The following C8orf74 variants were observed in gnomAD, a reference collection of about 807,000 sequenced individuals.
C8orf74 encodes the protein uncharacterized protein C8orf74.
In C8orf74, 29 loss-of-function variants were observed where a neutral mutation model predicts 22.2. The observed-to-expected ratio is 1.31, with a 90% CI of 0.97 to 1.78. The LOEUF (loss-of-function observed/expected upper bound fraction) is 1.78, where lower values mean the gene tolerates loss of function less well. Ranked by LOEUF, C8orf74 falls within the 40% of genes most tolerant of loss-of-function variation. C8orf74 has a pLI of 0.00. For missense variants in C8orf74, 515 were observed against 369.9 expected, an observed-to-expected ratio of 1.39 and a Z score of -3.22; for synonymous variants, 255 against 163.1, an observed-to-expected ratio of 1.56 and a Z score of -4.30.
At chr8:10,677,330 C>T (rs915899643) in intron 2 of C8orf74, among the ~76,000 whole-genome samples, 14 of 152,156 alleles carry the variant, frequency 9.2e-5, no homozygotes, top group South Asian at 2.1e-4. Flanking sequence ...TCATATAATG[C>T]GACTAAGTAC....
intron 1 of C8orf74, among the ~76,000 whole-genome samples, chr8:10,673,181 T>A (rs1373274052): frequency 6.6e-6 from 1 of 151,926 alleles, no homozygotes; most frequent in Non-Finnish European, 1.5e-5. Flanking sequence ...TCCCTTGGGG[T>A]CCTCCCAGCC....
intron 2 of C8orf74, among the ~76,000 whole-genome samples, chr8:10,681,164 C>T (rs573025910): frequency 3.7e-4 from 57 of 152,130 alleles, no homozygotes; most frequent in African/African-American, 1.2e-3. Flanking sequence ...CAGGCCTTGG[C>T]GCAGGGAGGG....
Position 10,697,879 on chromosome 8 carries a change from C to G in C8orf74, c.522C>G (p.Ala174=), listed in dbSNP as rs763992133. 1.9e-6 allele frequency: 3 copies of G among 1,612,742 alleles called. No homozygotes were observed. Among genetic ancestry groups the G allele is most frequent in the African/African-American group, 2.7e-5 (2 of 75,066 alleles). Residue 174 remains alanine (A), a synonymous_variant, in exon 3 of 4, where the codon GCC becomes GCG. Transcript: ENST00000304519. ...HEQQVATLTE[A]EAQKRADVLL... The stretch of plus-strand genomic sequence containing the variant: ...AGCAGGTGGCCACACTGACGGAGGC[C>G]GAGGCACAGAAGCGCGCCGACGTGC...
chr8:10,690,249 C>G (rs1048180435), intron 2 of C8orf74, among the ~76,000 whole-genome samples: 1 of 152,120 alleles, frequency 6.6e-6, no homozygotes, highest in African/African-American at 2.4e-5. Flanking sequence ...CTGTGCCAGA[C>G]TCACCGTGCT....
intron 2 of C8orf74, among the ~76,000 whole-genome samples, chr8:10,690,457 T>C (rs1332089598): frequency 6.6e-6 from 1 of 152,178 alleles, no homozygotes. Flanking sequence ...GTGGAGATGC[T>C]GGGCCCTTGC....
intron 2 of C8orf74, among the ~76,000 whole-genome samples, chr8:10,682,995 T>A (rs1456594641): frequency 2.0e-5 from 3 of 152,244 alleles, no homozygotes; most frequent in Non-Finnish European, 2.9e-5. Context: ...GTGAGTGGTG[T>A]TGGGATTTGA....
At chr8:10,697,390 G>A (rs537193380) in intron 2 of C8orf74, among the ~76,000 whole-genome samples, 2 of 151,950 alleles carry the variant, frequency 1.3e-5, no homozygotes, top group Admixed American at 1.3e-4. Context: ...AGCTGCAGCT[G>A]CAGTGAGCTA....
Position 10,674,774 on chromosome 8 carries a change from C to T in C8orf74, c.177C>T (p.Gly59=), listed in dbSNP as rs374850367. The part of the protein sequence containing the change: ...YESIIFAVGK[G]FPWVEVAQVV... ...GCATCATCTTTGCAGTGGGCAAAGG[C>T]TTCCCATGGGTGGAGGTGGCCCAGG... The change falls in exon 2 of 4, where the codon GGC becomes GGT. Residue 59 remains glycine, a synonymous_variant. Coordinates refer to ENST00000304519, the MANE Select transcript of C8orf74 (RefSeq NM_001040032.2). The T allele has an allele frequency of 8.1e-6, 13 of 1,607,088 alleles. No homozygotes were observed. The highest frequency in any genetic ancestry group is 1.0e-5 in the Non-Finnish European group (12 of 1,176,966).
chr8:10,680,165 C>T (rs1023865736), intron 2 of C8orf74, among the ~76,000 whole-genome samples: 3 of 152,332 alleles, frequency 2.0e-5, no homozygotes, highest in Non-Finnish European at 4.4e-5. Flanking sequence ...AGTGACGCTC[C>T]TTCCACACTG....
Position 10,698,012 on chromosome 8 carries a change from C to T in C8orf74, c.648+7C>T. ...CCAGGTCCTGGAGAGACAGGTGAGG[C>T]TCTGCCCCCCTGCCGTGGGTGGGCA... On this transcript the variant is annotated splice_region_variant and intron_variant, in intron 3 of 3. Coordinates refer to ENST00000304519, the MANE Select transcript of C8orf74 (RefSeq NM_001040032.2). 2 of 1,459,740 alleles carry T rather than the reference C, an allele frequency of 1.4e-6. No homozygotes were observed. Among genetic ancestry groups the T allele is most frequent in the African/African-American group, 1.4e-5 (1 of 71,136 alleles). 90.4% of individuals were successfully genotyped at this position (1,459,740 alleles called of 1,614,324 possible).
chr8:10,679,317 G>C (rs2129056537), intron 2 of C8orf74, among the ~76,000 whole-genome samples: 1 of 152,224 alleles, frequency 6.6e-6, no homozygotes, highest in African/African-American at 2.4e-5. Flanking sequence ...CTGTCCACCT[G>C]GAACTTTAGG....
At position 10,700,320 on chromosome 8, in the gene C8orf74, T is replaced by A. The variant is rs780870166; in HGVS notation, c.734T>A (p.Phe245Tyr). ...CTGCAGCGCCAGATCCAGAACACAT[T>A]CGCCATCTTGGACCTGAAGCTTCAG... ...ELLQRQIQNT[F>Y]AILDLKLQKK... Residue 245 changes from phenylalanine to tyrosine, a missense_variant, in exon 4 of 4, where the codon TTC becomes TAC. Physicochemically the swap from Phe to Tyr is conservative, Grantham distance 22 (BLOSUM62 3). Transcript: ENST00000304519. The A allele has an allele frequency of 4.3e-6, 7 of 1,613,624 alleles. No homozygotes were observed. In the East Asian group the frequency reaches 1.6e-4, roughly 36 times the overall value.
intron 2 of C8orf74, chr8:10,690,837 C>T (rs1425720485): frequency 2.2e-6 from 1 of 456,090 alleles, no homozygotes; most frequent in South Asian, 1.5e-5. Context: ...CCTCATTCCT[C>T]TCCTCCTCCA....
intron 2 of C8orf74, among the ~76,000 whole-genome samples, chr8:10,682,060 A>G (rs1454700821): frequency 1.3e-5 from 2 of 152,204 alleles, no homozygotes; most frequent in South Asian, 2.1e-4. Context: ...GCAGCCCTGA[A>G]GTACCCCGCC....
chr8:10,678,157 TG>T (rs1799071595), intron 2 of C8orf74, among the ~76,000 whole-genome samples: 1 of 152,166 alleles, frequency 6.6e-6, no homozygotes, highest in African/African-American at 2.4e-5. Flanking sequence ...ATCAGGAGGC[TG>T]GGGGTCCAGA....
At chr8:10,682,623 G>T (rs1357642855) in intron 2 of C8orf74, among the ~76,000 whole-genome samples, 1 of 152,154 alleles carries the variant, frequency 6.6e-6, no homozygotes, top group Non-Finnish European at 1.5e-5. Flanking sequence ...GATCTCATTG[G>T]ACCCTAATCG....
At position 10,698,117 on chromosome 8, in the gene C8orf74, A is replaced by G. The variant is rs536397369; in HGVS notation, c.648+112A>G. On this transcript the variant is annotated intron_variant, in intron 3 of 3. Coordinates refer to ENST00000304519, the MANE Select transcript of C8orf74 (RefSeq NM_001040032.2). ...TCAGTGGCACACAGGGGAGGGGGAG[A>G]GATGCAGGGAGGAATCAAGAGTCTA... 6.4e-5 allele frequency: 68 copies of G among 1,062,092 alleles called. No individual in the cohort carries two copies. In the African/African-American group the frequency reaches 9.8e-4, roughly 15 times the overall value. The allele number at this position is 1,062,092 out of a possible 1,614,324, so 65.8% of individuals were successfully genotyped here. A position where few individuals can be genotyped will look rare whatever the true frequency, so the allele number is the denominator to read the frequency against.
At chr8:10,676,201 G>T (rs530363617) in intron 2 of C8orf74, among the ~76,000 whole-genome samples, 2 of 151,680 alleles carry the variant, frequency 1.3e-5, no homozygotes, top group Non-Finnish European at 1.5e-5. Flanking sequence ...TTTTTTTTAA[G>T]TGAGGTATAT....
intron 2 of C8orf74, among the ~76,000 whole-genome samples, chr8:10,685,871 C>A (rs550089295): frequency 2.0e-5 from 3 of 152,238 alleles, no homozygotes; most frequent in Admixed American, 2.0e-4. Context: ...AGATTGAGAC[C>A]ATCCTGGCTA....
Sources: gnomAD v4.1 joint callset for allele counts (sites outside exome capture counted in the v4.1 genomes callset) on GRCh38, gnomAD v4.1.1 for gene constraint, MANE v1.5 for transcripts, NCBI Gene and HGNC (gene_info 2026-07-23, HGNC 2026-07-21) for gene names.